ZNF385D: variants seen among roughly 807,000 people sequenced by gnomAD.
ZNF385D encodes the protein zinc finger protein 659.
In ZNF385D, 15 loss-of-function variants were observed where a neutral mutation model predicts 35.8. The ratio of observed to expected loss-of-function variants is 0.42; its 90% CI spans 0.28 to 0.64. ZNF385D has a LOEUF of 0.64. Among genes scored for constraint, ZNF385D ranks in the 30% least tolerant of loss-of-function variants. ZNF385D has a pLI of 0.23. For synonymous variants in ZNF385D, 212 were observed against 186.8 expected (o/e 1.13, Z -1.10); for missense variants, 474 against 494.6 (o/e 0.96, Z 0.39).
At chr3:22,339,754 T>G (rs548963909) in intron 2 of ZNF385D, among the ~76,000 whole-genome samples, 1 of 152,342 alleles carries the variant, frequency 6.6e-6, no homozygotes, top group African/African-American at 2.4e-5. Context: ...CTGCCTTCAC[T>G]ATCTTGAAAC....
In ZNF385D at chr3:21,645,752, C is replaced by G. The variant is rs541960856; in HGVS notation, c.165+19134G>C. ...GGGGAAGGAAAGAATCAAAGAAGGA[C>G]AACTGGACAAAGGTAGTATGACTTC... On this transcript the variant is annotated intron_variant, in intron 2 of 7. Transcript: ENST00000281523. Among the ~76,000 whole-genome samples the G allele has an allele frequency of 4.6e-5, 7 of 152,228 alleles. No homozygotes were observed. The East Asian group carries it at 1.4e-3, about 30-fold the overall frequency.
At chr3:22,200,691 G>T (rs760309020) in intron 2 of ZNF385D, among the ~76,000 whole-genome samples, 9 of 152,014 alleles carry the variant, frequency 5.9e-5, no homozygotes, top group African/African-American at 2.2e-4. Flanking sequence ...GGAGACTGGG[G>T]TCTATTTCAC....
intron 3 of ZNF385D, among the ~76,000 whole-genome samples, chr3:21,801,982 A>G (rs2072427913): frequency 6.6e-6 from 1 of 152,184 alleles, no homozygotes; most frequent in Non-Finnish European, 1.5e-5. Context: ...TAAACAATTC[A>G]TAAATGGCAC....
intron 2 of ZNF385D, among the ~76,000 whole-genome samples, chr3:21,658,121 T>C (rs921904708): frequency 5.3e-5 from 8 of 152,046 alleles, no homozygotes; most frequent in African/African-American, 1.9e-4. Context: ...AATCTCTATA[T>C]GTTAAGCATA....
chr3:22,032,064 A>G (rs1173532688), intron 3 of ZNF385D, among the ~76,000 whole-genome samples: 6 of 152,204 alleles, frequency 3.9e-5, no homozygotes, highest in East Asian at 1.9e-4. Flanking sequence ...CCAGTTCCCA[A>G]TAAGTTCCTC....
At position 21,646,348 on chromosome 3, in the gene ZNF385D, A is replaced by G. The variant is rs1335390053; in HGVS notation, c.165+18538T>C. Among the ~76,000 whole-genome samples, 2 of 152,222 alleles carry G rather than the reference A, an allele frequency of 1.3e-5. No homozygotes were observed. Among genetic ancestry groups the G allele is most frequent in the Admixed American group, 1.3e-4 (2 of 15,280 alleles). On this transcript the variant is annotated intron_variant, in intron 2 of 7. Coordinates refer to ENST00000281523, the MANE Select transcript of ZNF385D (RefSeq NM_024697.3). The surrounding 1 kb of genome is among the most constrained non-coding windows in gnomAD (Gnocchi z 4.3). Reference sequence around the variant, plus strand: ...CACAGTAATCTACAGACAGCTTACAACAGTGCTGCACACGATTAATCTGAC... The same window carrying G: ...CACAGTAATCTACAGACAGCTTACAGCAGTGCTGCACACGATTAATCTGAC...
chr3:21,769,660 C>T (rs1337866109), intron 3 of ZNF385D, among the ~76,000 whole-genome samples: 1 of 126,372 alleles, frequency 7.9e-6, no homozygotes, highest in Non-Finnish European at 1.6e-5. Flanking sequence ...GGCCATACTG[C>T]CCAAGGTAAT....
rs148962353 is a variant in ZNF385D at position 21,657,850 on chromosome 3, C to A, written c.165+7036G>T. On this transcript the variant is annotated intron_variant, in intron 2 of 7. Transcript: ENST00000281523. The stretch of plus-strand genomic sequence containing the variant: ...ATGGAAGTGTGCCTAACCACTGTTT[C>A]TATCACTGGCTGAGGGAAAGAAGGC... Among the ~76,000 whole-genome samples, 323 of 152,062 alleles carry A rather than the reference C, an allele frequency of 2.1e-3. 1 individual carries two copies. The highest frequency in any genetic ancestry group is 3.7e-3 in the Non-Finnish European group (250 of 67,908).
intron 3 of ZNF385D, among the ~76,000 whole-genome samples, chr3:22,058,951 C>T (rs1056284636): frequency 2.0e-5 from 3 of 152,140 alleles, no homozygotes; most frequent in African/African-American, 4.8e-5. Context: ...GGAATATTTA[C>T]TAGCTAAGAA....
chr3:22,283,665 C>G (rs546619107), intron 2 of ZNF385D, among the ~76,000 whole-genome samples: 1 of 152,054 alleles, frequency 6.6e-6, no homozygotes, highest in African/African-American at 2.4e-5. Flanking sequence ...TCTGAAATCA[C>G]GGGTAATAGT....
chr3:22,365,111 A>T (rs1320552072), intron 2 of ZNF385D, among the ~76,000 whole-genome samples: 1 of 152,032 alleles, frequency 6.6e-6, no homozygotes, highest in African/African-American at 2.4e-5. Context: ...ATGGGGAACA[A>T]CTGTTTAATG....
At chr3:22,238,287 C>T (rs1699302789) in intron 2 of ZNF385D, among the ~76,000 whole-genome samples, 1 of 150,776 alleles carries the variant, frequency 6.6e-6, no homozygotes, top group African/African-American at 2.4e-5. Context: ...ATTATTTTGG[C>T]TATTGGGGGT....
chr3:21,522,287 C>T (rs939317317), intron 3 of ZNF385D, among the ~76,000 whole-genome samples: 1 of 152,126 alleles, frequency 6.6e-6, no homozygotes, highest in Admixed American at 6.5e-5. Flanking sequence ...TAATGCTTTC[C>T]TCCCAGACTT....
chr3:22,168,484 A>G (rs1706480045), intron 3 of ZNF385D: 3 of 152,112 alleles, frequency 2.0e-5, no homozygotes, highest in Admixed American at 2.0e-4. Flanking sequence ...AAAAATAAAA[A>G]ACAAAAACCC....
chr3:21,627,246 G>GGTGTGTGTGTGTGT lies in ZNF385D; in HGVS notation c.165+37626_165+37639dup, dbSNP rs55918045. On this transcript the variant is annotated intron_variant, in intron 2 of 7. Coordinates refer to ENST00000281523, the MANE Select transcript of ZNF385D (RefSeq NM_024697.3). ...CTTATGCTGGTTCAAAGAGGTGTAGGGTGTGTGTGTGTGTGTGTGTGTGTG... is the reference window on the plus strand; with the variant it reads ...CTTATGCTGGTTCAAAGAGGTGTAGGGTGTGTGTGTGTGTGTGTGTGTGTGTGTGTGTGTGTGTG... Among the ~76,000 whole-genome samples the GGTGTGTGTGTGTGT allele has an allele frequency of 6.7e-4, 94 of 139,496 alleles. 1 individual carries two copies. Among genetic ancestry groups the GGTGTGTGTGTGTGT allele is most frequent in the South Asian group, 3.8e-3 (16 of 4,192 alleles). 91.5% of individuals were successfully genotyped at this position (139,496 alleles called of 152,430 possible).
intron 3 of ZNF385D, among the ~76,000 whole-genome samples, chr3:21,953,634 CTG>C (rs1376049320): frequency 1.3e-5 from 2 of 151,986 alleles, no homozygotes; most frequent in African/African-American, 2.4e-5. Context: ...AACTAAACCC[CTG>C]TGTTTTCTAA....
chr3:22,111,610 A>G (rs1461157965), intron 3 of ZNF385D, among the ~76,000 whole-genome samples: 3 of 152,124 alleles, frequency 2.0e-5, no homozygotes, highest in Non-Finnish European at 4.4e-5. Flanking sequence ...CTGATTCCCT[A>G]TATATTTCCT....
chr3:22,136,169 A>G (rs1704087385), intron 3 of ZNF385D, among the ~76,000 whole-genome samples: 1 of 152,196 alleles, frequency 6.6e-6, no homozygotes, highest in African/African-American at 2.4e-5. Flanking sequence ...GGATCGCCTG[A>G]GCTCAGGAGT....
intron 3 of ZNF385D, among the ~76,000 whole-genome samples, chr3:21,960,042 C>G (rs1356433808): frequency 7.9e-6 from 1 of 126,676 alleles, no homozygotes; most frequent in Admixed American, 7.6e-5. Context: ...AAAAAAAAGA[C>G]AAATGGACTA....
Sources: gnomAD v4.1 joint callset for allele counts (sites outside exome capture counted in the v4.1 genomes callset) on GRCh38, gnomAD v4.1.1 for gene constraint, Gnocchi (gnomAD v3.1) non-coding constraint, MANE v1.5 for transcripts, NCBI Gene and HGNC (gene_info 2026-07-23, HGNC 2026-07-21) for gene names.